The following KLF7 variants were observed in gnomAD, a reference collection of about 807,000 sequenced individuals.
KLF7 encodes Krueppel-like factor 7.
A neutral mutation model predicts 27.3 loss-of-function variants in KLF7; 2 were observed. That is an observed-to-expected ratio of 0.07 (90% CI 0.03 to 0.23). The LOEUF is 0.23. Among genes scored for constraint, KLF7 ranks in the 10% least tolerant of loss-of-function variants. The pLI is 1.00. For synonymous variants in KLF7, 165 were observed against 162.4 expected (o/e 1.02, Z -0.12); for missense variants, 221 against 394.1 (o/e 0.56, Z 3.72).
intron 1 of KLF7, among the ~76,000 whole-genome samples, chr2:207,130,613 A>G (rs912527611): frequency 8.5e-5 from 13 of 152,190 alleles, no homozygotes; most frequent in African/African-American, 3.1e-4. Context: ...ATCCATTGCA[A>G]CCACTATAAC....
At chr2:207,141,023 A>G (rs1488097558) in intron 1 of KLF7, among the ~76,000 whole-genome samples, 11 of 152,278 alleles carry the variant, frequency 7.2e-5, no homozygotes, top group Admixed American at 5.9e-4. Flanking sequence ...TCCTCAAGTC[A>G]TCTCATCTTC....
At chr2:207,142,605 G>A (rs1410791969) in intron 1 of KLF7, among the ~76,000 whole-genome samples, 2 of 152,200 alleles carry the variant, frequency 1.3e-5, no homozygotes, top group African/African-American at 4.8e-5. Flanking sequence ...CCCTGCAGAG[G>A]TCAGTGAAGG....
chr2:207,146,594 T>C (rs897991843), intron 1 of KLF7, among the ~76,000 whole-genome samples: 9 of 152,164 alleles, frequency 5.9e-5, no homozygotes, highest in African/African-American at 2.2e-4. Flanking sequence ...GTGTTTCCCT[T>C]GGGGATCTCC....
chr2:207,134,135 G>C (rs2077715868), intron 1 of KLF7: 1 of 1,493,342 alleles, frequency 6.7e-7, no homozygotes, highest in Admixed American at 2.6e-5. Context: ...ACTTGCACAG[G>C]CTGACTCGGG....
In KLF7 at chr2:207,077,568, T is replaced by C. The variant is rs1353569734; in HGVS notation, c.*3645A>G. Reference sequence around the variant, plus strand: ...AGAGGAGGAAATGGTCAGCATGAAGTTCATTTTGGGGTCTCCAATATTTTT... The same window carrying C: ...AGAGGAGGAAATGGTCAGCATGAAGCTCATTTTGGGGTCTCCAATATTTTT... On this transcript the variant is annotated 3_prime_UTR_variant, in exon 4 of 4. Transcript: ENST00000309446. 6.6e-6 allele frequency: 1 copy of C among 152,092 alleles called. No individual in the cohort carries two copies. The highest frequency in any genetic ancestry group is 1.5e-5 in the Non-Finnish European group (1 of 68,010). 9.4% of individuals were successfully genotyped at this position (152,092 alleles called of 1,614,324 possible).
chr2:207,101,599 G>C (rs1171351700), intron 2 of KLF7, among the ~76,000 whole-genome samples: 1 of 152,142 alleles, frequency 6.6e-6, no homozygotes, highest in Non-Finnish European at 1.5e-5. Flanking sequence ...TGAAGAGGTG[G>C]TAATGCCAAA....
chr2:207,123,653 C>A, intron 2 of KLF7, 121 bp downstream of exon 2: 2 of 1,101,276 alleles, frequency 1.8e-6, no homozygotes. Flanking sequence ...GGGCCTCCCG[C>A]CTGTCTATCA....
In KLF7 at chr2:207,077,261, C is replaced by A. The variant is rs1262053501; in HGVS notation, c.*3952G>T. The A allele has an allele frequency of 6.6e-6, 1 of 152,152 alleles. No individual in the cohort carries two copies. The highest frequency in any genetic ancestry group is 2.4e-5 in the African/African-American group (1 of 41,428). 9.4% of individuals were successfully genotyped at this position (152,152 alleles called of 1,614,324 possible). ...CAATGTTCCGAATGCACTGGAAGAGCCATCCAAAAGCCCCATTTCTTTCCC... is the reference window on the plus strand; with the variant it reads ...CAATGTTCCGAATGCACTGGAAGAGACATCCAAAAGCCCCATTTCTTTCCC... On this transcript the variant is annotated 3_prime_UTR_variant, in exon 4 of 4. Coordinates refer to ENST00000309446, the MANE Select transcript of KLF7 (RefSeq NM_003709.4).
chr2:207,121,882 A>G (rs1166904859), intron 2 of KLF7: 4 of 152,284 alleles, frequency 2.6e-5, no homozygotes, highest in Non-Finnish European at 5.9e-5. Flanking sequence ...CTGCTTTCCC[A>G]GAGCTGTCCA....
upstream of KLF7, among the ~76,000 whole-genome samples, chr2:207,170,941 CTTA>C (rs980884755): frequency 2.0e-5 from 3 of 151,564 alleles, no homozygotes; most frequent in African/African-American, 4.9e-5. Context: ...GCTTTTAAAT[CTTA>C]TTATTAAGGA....
intron 1 of KLF7, among the ~76,000 whole-genome samples, chr2:207,147,234 CAAAT>C (rs1048123913): frequency 7.9e-5 from 12 of 152,082 alleles, no homozygotes; most frequent in South Asian, 4.2e-4. Context: ...TTTCAGTTAA[CAAAT>C]AAAATTTCAA....
At chr2:207,088,421 T>C in intron 3 of KLF7, 37 bp downstream of exon 3, 2 of 1,599,314 alleles carry the variant, frequency 1.3e-6, no homozygotes, top group Non-Finnish European at 1.7e-6. Flanking sequence ...CTTCCCCATC[T>C]CTCCTCCCTA....
intron 1 of KLF7, among the ~76,000 whole-genome samples, chr2:207,130,117 T>C (rs528350663): frequency 2.1e-5 from 3 of 142,016 alleles, no homozygotes; most frequent in East Asian, 4.2e-4. Context: ...CTATTTCCCC[T>C]ACGACCCTTA....
At chr2:207,095,031 CTTTTTTTTTT>C (rs36091471) in intron 2 of KLF7, among the ~76,000 whole-genome samples, 9 of 82,432 alleles carry the variant, frequency 1.1e-4, no homozygotes, top group South Asian at 1.1e-3. Flanking sequence ...TGTTTTTATT[CTTTTTTTTTT>C]TTTTTTTTTT....
intron 2 of KLF7, chr2:207,121,572 C>T (rs1463543257): frequency 2.0e-5 from 3 of 152,152 alleles, no homozygotes; most frequent in African/African-American, 7.2e-5. Flanking sequence ...CCAAGTCCAC[C>T]CGATCACAAG....
chr2:207,103,445 A>G (rs12694076), intron 2 of KLF7, among the ~76,000 whole-genome samples: 12,894 of 152,276 alleles, frequency 0.085, 651 homozygotes, highest in Middle Eastern at 0.14. Flanking sequence ...TATATTAAAG[A>G]GAAAAAAGAA....
chr2:207,160,647 A>G lies in KLF7; in HGVS notation c.102+4820T>C, dbSNP rs79863843. ...AAAGAAGATTGCAATGTCTTCTTGTACTCCAAAAGTTAAAACGCAAGAATT... is the reference window on the plus strand; with the variant it reads ...AAAGAAGATTGCAATGTCTTCTTGTGCTCCAAAAGTTAAAACGCAAGAATT... On this transcript the variant is annotated intron_variant, in intron 1 of 3. Coordinates refer to ENST00000309446, the MANE Select transcript of KLF7 (RefSeq NM_003709.4). Among the ~76,000 whole-genome samples, 71 of 152,334 alleles carry G rather than the reference A, an allele frequency of 4.7e-4. 1 individual carries two copies. In the East Asian group the frequency reaches 0.014, roughly 29 times the overall value.
intron 1 of KLF7, among the ~76,000 whole-genome samples, chr2:207,153,133 T>C (rs896813767): frequency 2.6e-5 from 4 of 152,030 alleles, no homozygotes; most frequent in African/African-American, 9.7e-5. Context: ...AGCGAGTGTA[T>C]ACAGCAAAGC....
intron 2 of KLF7, among the ~76,000 whole-genome samples, chr2:207,100,265 TC>T (rs2076735521): frequency 6.6e-6 from 1 of 152,242 alleles, no homozygotes; most frequent in South Asian, 2.1e-4. Flanking sequence ...GAGGCAAATT[TC>T]AAATCAGTGA....
Sources: allele counts gnomAD v4.1 joint callset (sites outside exome capture counted in the v4.1 genomes callset), GRCh38; gene constraint gnomAD v4.1.1; transcripts MANE v1.5; gene names NCBI Gene and HGNC (gene_info 2026-07-23, HGNC 2026-07-21).